ACTR3B: variants seen among roughly 807,000 people sequenced by gnomAD.
ACTR3B encodes actin related protein 3B.
ACTR3B carries 8 observed loss-of-function variants against 59.0 expected under a neutral mutation model. The ratio of observed to expected loss-of-function variants is 0.14; its 90% CI spans 0.08 to 0.24. The LOEUF (loss-of-function observed/expected upper bound fraction) is 0.24. ACTR3B is among the 10% of genes least tolerant of loss of function. The probability of loss-of-function intolerance (pLI) is 1.00; values close to 1 mark genes in which losing one functional copy is unlikely to be tolerated. For synonymous variants in ACTR3B, 148 were observed against 197.9 expected (o/e 0.75, Z 2.12); for missense variants, 245 against 552.3 (o/e 0.44, Z 5.58).
chr7:152,806,669 G>A (rs2098252975), intron 4 of ACTR3B, among the ~76,000 whole-genome samples: 2 of 148,636 alleles, frequency 1.3e-5, no homozygotes, highest in African/African-American at 5.2e-5. Context: ...AAGGGCAGGA[G>A]GCAAGTCTAC....
At position 152,780,352 on chromosome 7, in the gene ACTR3B, C is replaced by CA. The variant is rs113559773; in HGVS notation, c.45-2821dup. On this transcript the variant is annotated intron_variant, in intron 1 of 11. Coordinates refer to ENST00000256001, the MANE Select transcript of ACTR3B (RefSeq NM_020445.6). ...TGCTCGAAAGAGCGAAACTCTGTCTCAAAAAAAAAAAAAATTAATATATCT... is the reference window on the plus strand; with the variant it reads ...TGCTCGAAAGAGCGAAACTCTGTCTCAAAAAAAAAAAAAAATTAATATATCT... 7.7e-3 allele frequency among the ~76,000 whole-genome samples: 1,011 copies of CA among 131,358 alleles called. 11 individuals are homozygous for CA. The highest frequency in any genetic ancestry group is 0.019 in the East Asian group (88 of 4,546). The allele number at this position is 131,358 out of a possible 152,430, so 86.2% of individuals were successfully genotyped here.
chr7:152,845,719 C>A (rs920686165), intron 9 of ACTR3B, among the ~76,000 whole-genome samples: 1 of 152,208 alleles, frequency 6.6e-6, no homozygotes, highest in Admixed American at 6.5e-5. Flanking sequence ...GCTCTCCCGG[C>A]GCTCAGGAAA....
In ACTR3B at chr7:152,852,348, C is replaced by T. The variant is rs577779823; in HGVS notation, c.1077+97C>T. ...GAGCCGAAGGAGCTTGTCTGGGCCG[C>T]GTAAAATAAAAACAAGTGTTCATCG... is the stretch of plus-strand genomic sequence containing the variant. On this transcript the variant is annotated intron_variant, in intron 10 of 11. Transcript: ENST00000256001. 8.9e-5 allele frequency: 127 copies of T among 1,424,374 alleles called. No homozygotes were observed. The African/African-American group carries it at 9.3e-4, about 10-fold the overall frequency. The allele number at this position is 1,424,374 out of a possible 1,614,324, so 88.2% of individuals were successfully genotyped here.
chr7:152,792,720 C>A (rs1416693869), intron 2 of ACTR3B, among the ~76,000 whole-genome samples: 3 of 151,928 alleles, frequency 2.0e-5, no homozygotes, highest in Non-Finnish European at 2.9e-5. Context: ...TGCACTCCAG[C>A]CTGGGTGACA....
At chr7:152,829,359 T>C (rs1796842882) in intron 9 of ACTR3B, among the ~76,000 whole-genome samples, 2 of 152,140 alleles carry the variant, frequency 1.3e-5, no homozygotes, top group Admixed American at 1.3e-4. Flanking sequence ...ATCTCCCCAC[T>C]CCGCAGCCCC....
intron 2 of ACTR3B, among the ~76,000 whole-genome samples, chr7:152,789,997 C>CTTTT (rs756068314): frequency 0.011 from 1,089 of 101,908 alleles, no homozygotes; most frequent in East Asian, 0.017. Context: ...TGTACTCTTT[C>CTTTT]TTTTTTTTTT....
intron 6 of ACTR3B, among the ~76,000 whole-genome samples, chr7:152,818,816 G>C (rs1178705697): frequency 6.6e-6 from 1 of 152,210 alleles, no homozygotes; most frequent in African/African-American, 2.4e-5. Flanking sequence ...AACACAATTG[G>C]AATGTCTCAT....
At chr7:152,783,844 C>G (rs565972474) in intron 2 of ACTR3B, among the ~76,000 whole-genome samples, 1 of 151,978 alleles carries the variant, frequency 6.6e-6, no homozygotes, top group East Asian at 1.9e-4. Flanking sequence ...AATCGCAGCA[C>G]TTTGGGAGGC....
chr7:152,765,278 C>T (rs760542788), intron 1 of ACTR3B, among the ~76,000 whole-genome samples: 52 of 150,192 alleles, frequency 3.5e-4, no homozygotes, highest in Middle Eastern at 6.9e-3. Flanking sequence ...CCACTATGCC[C>T]GGCTAATTTT....
At chr7:152,823,588 A>T in intron 8 of ACTR3B, 73 bp downstream of exon 8, 9 of 1,522,856 alleles carry the variant, frequency 5.9e-6, no homozygotes, top group Non-Finnish European at 8.0e-6. Context: ...TAGAAAGAGC[A>T]GTTCCCAGCG....
chr7:152,762,747 T>C (rs2098093841), intron 1 of ACTR3B, among the ~76,000 whole-genome samples: 1 of 152,208 alleles, frequency 6.6e-6, no homozygotes, highest in Admixed American at 6.5e-5. Context: ...TTAAGTCTAA[T>C]TTAATCTGGA....
At chr7:152,810,173 C>G (rs985057282) in intron 4 of ACTR3B, among the ~76,000 whole-genome samples, 1 of 152,122 alleles carries the variant, frequency 6.6e-6, no homozygotes, top group African/African-American at 2.4e-5. Context: ...GTGGCACCAC[C>G]TCAGCTCACT....
chr7:152,766,362 A>C lies in ACTR3B; in HGVS notation c.44+6436A>C, dbSNP rs545770913. On this transcript the variant is annotated intron_variant, in intron 1 of 11. Coordinates refer to ENST00000256001, the MANE Select transcript of ACTR3B (RefSeq NM_020445.6). ...GGTTTTCACTGGGGACTTGTCATGC[A>C]GGCACCCTGTGCATAGCACGTGCCG... Among the ~76,000 whole-genome samples, 12 of 152,340 alleles carry C rather than the reference A, an allele frequency of 7.9e-5. No homozygotes were observed. In the South Asian group the frequency reaches 2.5e-3, roughly 32 times the overall value.
chr7:152,778,838 G>A (rs2098142683), intron 1 of ACTR3B, among the ~76,000 whole-genome samples: 1 of 150,928 alleles, frequency 6.6e-6, no homozygotes, highest in Non-Finnish European at 1.5e-5. Context: ...AGCTACTTGG[G>A]AGGCTGAAGT....
intron 9 of ACTR3B, among the ~76,000 whole-genome samples, chr7:152,844,972 T>C (rs2116979160): frequency 6.8e-6 from 1 of 148,074 alleles, no homozygotes; most frequent in East Asian, 2.0e-4. Flanking sequence ...TGAGAGGATT[T>C]AGAGGAAATT....
intron 2 of ACTR3B, among the ~76,000 whole-genome samples, chr7:152,789,044 CAACAACAAA>C (rs1299017663): frequency 1.1e-5 from 1 of 87,610 alleles, no homozygotes; most frequent in Non-Finnish European, 2.3e-5. Flanking sequence ...ACAACAACAA[CAACAACAAA>C]CAGCAACAAC....
intron 2 of ACTR3B, among the ~76,000 whole-genome samples, chr7:152,797,903 T>A (rs910012706): frequency 6.6e-6 from 1 of 152,228 alleles, no homozygotes; most frequent in Non-Finnish European, 1.5e-5. Context: ...TTCCACTGTT[T>A]ATAAAGCCAC....
In ACTR3B at chr7:152,850,328, C is replaced by T. The variant is rs1408769916; in HGVS notation, c.952-1798C>T. 2.0e-5 allele frequency among the ~76,000 whole-genome samples: 3 copies of T among 151,486 alleles called. No individual in the cohort carries two copies. The East Asian group carries it at 5.9e-4, about 30-fold the overall frequency. ...TAGAAGGCCAGATCACTGGTCACTT[C>T]TCCAGGTGGAAGGCCAGCTTCTCCA... On this transcript the variant is annotated intron_variant, in intron 9 of 11. Coordinates refer to ENST00000256001, the MANE Select transcript of ACTR3B (RefSeq NM_020445.6).
chr7:152,790,290 C>T (rs1409911702), intron 2 of ACTR3B, among the ~76,000 whole-genome samples: 1 of 152,238 alleles, frequency 6.6e-6, no homozygotes, highest in Non-Finnish European at 1.5e-5. Context: ...ACCCCACCTA[C>T]TCTTAATAGG....
Sources: gnomAD v4.1 joint callset for allele counts (sites outside exome capture counted in the v4.1 genomes callset) on GRCh38, gnomAD v4.1.1 for gene constraint, MANE v1.5 for transcripts, NCBI Gene and HGNC (gene_info 2026-07-23, HGNC 2026-07-21) for gene names.